LUC7L: variants seen among roughly 807,000 people sequenced by gnomAD.
The protein encoded by LUC7L is putative RNA-binding protein Luc7-like 1.
LUC7L carries 29 observed loss-of-function variants against 51.1 expected under a neutral mutation model. The ratio of observed to expected loss-of-function variants is 0.57; its 90% CI spans 0.42 to 0.77. The LOEUF is 0.77. Among genes scored for constraint, LUC7L ranks in the 30% least tolerant of loss-of-function variants. The probability of loss-of-function intolerance (pLI) is 0.00; values close to 1 mark genes in which losing one functional copy is unlikely to be tolerated. For synonymous variants in LUC7L, 181 were observed against 180.7 expected (o/e 1.00, Z -0.01); for missense variants, 403 against 511.9 (o/e 0.79, Z 2.05).
chr16:200,386 T>C (rs1424876150), intron 5 of LUC7L, among the ~76,000 whole-genome samples: 3 of 143,822 alleles, frequency 2.1e-5, no homozygotes, highest in African/African-American at 7.8e-5. Flanking sequence ...ATCATGCCAC[T>C]GGGCGAAAGA....
In LUC7L at chr16:192,307, C is replaced by A. The variant is rs558883077; in HGVS notation, c.776+620G>T. On this transcript the variant is annotated intron_variant, in intron 7 of 9. Coordinates refer to ENST00000293872, the MANE Select transcript of LUC7L (RefSeq NM_201412.3). The stretch of plus-strand genomic sequence containing the variant: ...CTGCTGCTTCTACTCCAGCCCAGCA[C>A]GCTTGCCAAAGGGGAGCAGGCACCA... Among the ~76,000 whole-genome samples the A allele has an allele frequency of 3.3e-5, 5 of 152,218 alleles. No individual in the cohort carries two copies. The South Asian group carries it at 8.3e-4, about 25-fold the overall frequency.
At chr16:207,485 G>A (rs2049516005) in intron 4 of LUC7L, among the ~76,000 whole-genome samples, 1 of 152,282 alleles carries the variant, frequency 6.6e-6, no homozygotes, top group South Asian at 2.1e-4. Flanking sequence ...GTCCCAAAGT[G>A]CTGGGACTAC....
intron 1 of LUC7L, 22 bp downstream of exon 1, chr16:229,257 C>G (rs953098800): frequency 2.0e-6 from 3 of 1,531,600 alleles, no homozygotes; most frequent in African/African-American, 1.4e-5. Flanking sequence ...AGACCCTCGC[C>G]TGGTTGGCCG....
chr16:218,070 G>A (rs1487584342), intron 3 of LUC7L, among the ~76,000 whole-genome samples: 2 of 151,396 alleles, frequency 1.3e-5, no homozygotes, highest in Non-Finnish European at 2.9e-5. Flanking sequence ...GCAGGCACCT[G>A]TAATCCCAGC....
At chr16:220,474 G>A (rs910013130) in intron 3 of LUC7L, 175 bp downstream of exon 3, 26 of 570,536 alleles carry the variant, frequency 4.6e-5, no homozygotes, top group African/African-American at 5.6e-5. Context: ...CTGACAGGAC[G>A]CTGGACACAA....
In LUC7L at chr16:204,708, T is replaced by C. The variant is rs149621812; in HGVS notation, c.510+1296A>G. Among the ~76,000 whole-genome samples the C allele has an allele frequency of 1.6e-4, 25 of 152,320 alleles. 1 individual carries two copies. The East Asian group carries it at 4.8e-3, about 29-fold the overall frequency. On this transcript the variant is annotated intron_variant, in intron 5 of 9. Coordinates refer to ENST00000293872, the MANE Select transcript of LUC7L (RefSeq NM_201412.3). ...CACTGCTCATTTACAAGATGAATTG[T>C]CCGTCTGAAATGGTAGCAACTGCAG...
At chr16:222,101 T>G (rs947560353) in intron 2 of LUC7L, among the ~76,000 whole-genome samples, 2 of 152,198 alleles carry the variant, frequency 1.3e-5, no homozygotes, top group African/African-American at 4.8e-5. Context: ...TGATGTGCTA[T>G]TATGTGTACC....
chr16:208,257 T>TATCAAGCAAA, intron 3 of LUC7L, 69 bp from the exon 4 acceptor site: 1 of 1,178,276 alleles, frequency 8.5e-7, no homozygotes, highest in Non-Finnish European at 1.2e-6. Flanking sequence ...ACCCATTTGC[T>TATCAAGCAAA]TGATAGGAAA....
intron 9 of LUC7L, chr16:189,735 C>T: frequency 7.2e-7 from 1 of 1,387,278 alleles, no homozygotes; most frequent in South Asian, 1.8e-5. Context: ...GTGCACAGGC[C>T]CCAGGACGCA....
rs973234413 is a variant in LUC7L at position 204,849 on chromosome 16, T to C, written c.510+1155A>G. 2.0e-5 allele frequency among the ~76,000 whole-genome samples: 3 copies of C among 152,270 alleles called. 1 individual carries two copies. The South Asian group carries it at 6.2e-4, about 32-fold the overall frequency. ...CATCACTAGTGGCATATGGATCCTA[T>C]GGCATTACTCAAAGTTTATGGTATT... On this transcript the variant is annotated intron_variant, in intron 5 of 9. Coordinates refer to ENST00000293872, the MANE Select transcript of LUC7L (RefSeq NM_201412.3).
At chr16:203,811 T>C (rs964865010) in intron 5 of LUC7L, among the ~76,000 whole-genome samples, 14 of 151,386 alleles carry the variant, frequency 9.2e-5, no homozygotes, top group African/African-American at 1.7e-4. Context: ...GGTCAGGAGA[T>C]AGAGGCCATC....
chr16:199,774 AAAAAAG>A (rs2049268611), intron 5 of LUC7L, among the ~76,000 whole-genome samples: 1 of 150,700 alleles, frequency 6.6e-6, no homozygotes, highest in South Asian at 2.1e-4. Context: ...AAAAAAAAAA[AAAAAAG>A]AGAGATCGAG....
intron 2 of LUC7L, among the ~76,000 whole-genome samples, chr16:221,575 C>G (rs1161632406): frequency 4.6e-5 from 7 of 151,984 alleles, no homozygotes; most frequent in African/African-American, 9.7e-5. Context: ...GGTGGCAGGG[C>G]ACCTGTAATC....
At chr16:219,165 C>A (rs577999509) in intron 3 of LUC7L, among the ~76,000 whole-genome samples, 29 of 151,674 alleles carry the variant, frequency 1.9e-4, no homozygotes, top group Admixed American at 1.9e-3. Context: ...CCGAGGCAGG[C>A]GGATCACAAG....
intron 6 of LUC7L, 129 bp downstream of exon 6, chr16:198,933 G>A: frequency 1.2e-6 from 1 of 815,462 alleles, no homozygotes; most frequent in Non-Finnish European, 1.8e-6. Context: ...GCCCACCTCG[G>A]CCTCCCAAAG....
At chr16:224,429 G>A (rs2050066210) in intron 2 of LUC7L, among the ~76,000 whole-genome samples, 1 of 151,912 alleles carries the variant, frequency 6.6e-6, no homozygotes, top group Non-Finnish European at 1.5e-5. Flanking sequence ...TGAGGCAGGA[G>A]AATTGCTTGA....
intron 4 of LUC7L, among the ~76,000 whole-genome samples, chr16:206,851 G>A (rs1166415107): frequency 7.6e-6 from 1 of 130,798 alleles, no homozygotes; most frequent in East Asian, 2.3e-4. Context: ...TTAAGCCCAA[G>A]AGTTCCAGAC....
intron 1 of LUC7L, chr16:228,746 T>C (rs762197540): frequency 1.2e-5 from 15 of 1,263,768 alleles, no homozygotes; most frequent in Non-Finnish European, 1.3e-5. Context: ...TCCTGTGTGC[T>C]GGGGGGAAGG....
rs770266344 is a variant in LUC7L at position 189,977 on chromosome 16, G to C, written c.965C>G (p.Ala322Gly). The change falls in exon 9 of 10, where the codon GCG becomes GGG. Residue 322 changes from alanine to glycine, a missense_variant. By Grantham distance (60) the Ala-to-Gly change is moderately conservative. Coordinates refer to ENST00000293872, the MANE Select transcript of LUC7L (RefSeq NM_201412.3). ...GAGTCAGAGTAGTTACTTGTATTTC[G>C]CACTTCGGTCCCGGGAAGCCCGACG... ...GHRRASRDRS[A>G]KYKFSRERAS... 3 of 1,611,612 alleles carry C rather than the reference G, an allele frequency of 1.9e-6. No individual in the cohort carries two copies. Among genetic ancestry groups the C allele is most frequent in the Non-Finnish European group, 1.7e-6 (2 of 1,178,260 alleles).
Sources: allele counts gnomAD v4.1 joint callset (sites outside exome capture counted in the v4.1 genomes callset), GRCh38; gene constraint gnomAD v4.1.1; transcripts MANE v1.5; gene names NCBI Gene and HGNC (gene_info 2026-07-23, HGNC 2026-07-21).